NEK11: variants seen among roughly 807,000 people sequenced by gnomAD.
NEK11 encodes the protein serine/threonine-protein kinase Nek11.
A neutral mutation model predicts 80.7 loss-of-function variants in NEK11; 72 were observed. That is an observed-to-expected ratio of 0.89 (90% CI 0.74 to 1.08). The LOEUF is 1.08. NEK11 is among the 50% of genes least tolerant of loss of function. The pLI, the probability that NEK11 is intolerant of heterozygous loss-of-function variation, is 0.00. For missense variants in NEK11, 764 were observed against 763.6 expected (o/e 1.00, Z -0.01); for synonymous variants, 251 against 260.7 (o/e 0.96, Z 0.36).
At chr3:131,105,547 A>G (rs1448578878) in intron 4 of NEK11, among the ~76,000 whole-genome samples, 1 of 152,226 alleles carries the variant, frequency 6.6e-6, no homozygotes, top group South Asian at 2.1e-4. Flanking sequence ...GGGAAGCCCC[A>G]GGAAGCTTAT....
chr3:131,343,207 C>A (rs758617730), intron 17 of NEK11, among the ~76,000 whole-genome samples: 5 of 151,576 alleles, frequency 3.3e-5, no homozygotes, highest in Non-Finnish European at 7.4e-5. Flanking sequence ...ATGTGTGTAC[C>A]CTAACAGGAA....
chr3:131,247,876 C>T (rs1479522631), intron 16 of NEK11, among the ~76,000 whole-genome samples: 1 of 149,430 alleles, frequency 6.7e-6, no homozygotes, highest in Non-Finnish European at 1.5e-5. Context: ...ATGGAATTGC[C>T]TTCTTGATTT....
chr3:131,069,901 G>A (rs539541449), intron 3 of NEK11, among the ~76,000 whole-genome samples: 10 of 151,112 alleles, frequency 6.6e-5, no homozygotes, highest in East Asian at 2.0e-4. Flanking sequence ...TGGGTGCAGC[G>A]CACCAGCACG....
intron 14 of NEK11, among the ~76,000 whole-genome samples, chr3:131,181,708 T>C (rs1034217622): frequency 7.7e-6 from 1 of 130,028 alleles, no homozygotes; most frequent in African/African-American, 3.0e-5. Flanking sequence ...ATCGCACCAC[T>C]GCACTTCAGC....
intron 7 of NEK11, among the ~76,000 whole-genome samples, chr3:131,140,238 C>G (rs576033710): frequency 1.3e-5 from 2 of 152,224 alleles, no homozygotes; most frequent in Admixed American, 1.3e-4. Flanking sequence ...TCTTGAAATT[C>G]TTGTTCTTGG....
intron 7 of NEK11, among the ~76,000 whole-genome samples, chr3:131,149,483 T>C (rs1387028339): frequency 1.3e-5 from 2 of 152,094 alleles, no homozygotes; most frequent in Non-Finnish European, 1.5e-5. Context: ...TGGGTATATA[T>C]ACCCAGTAAT....
chr3:131,193,300 G>A (rs1015618679), intron 14 of NEK11, among the ~76,000 whole-genome samples: 8 of 152,024 alleles, frequency 5.3e-5, no homozygotes, highest in African/African-American at 1.9e-4. Flanking sequence ...TTGGAAAACT[G>A]TCTATTAATG....
intron 8 of NEK11, 41 bp from the exon 9 acceptor site, chr3:131,152,590 T>G (rs760052104): frequency 1.2e-6 from 2 of 1,607,596 alleles, no homozygotes; most frequent in Non-Finnish European, 1.7e-6. Flanking sequence ...TACTTATATT[T>G]TAGTTTACCT....
chr3:131,031,964 G>GTT (rs71620101), intron 3 of NEK11, among the ~76,000 whole-genome samples: 25 of 135,020 alleles, frequency 1.9e-4, no homozygotes, highest in African/African-American at 2.1e-4. Flanking sequence ...AAATTAATCA[G>GTT]TTTTTTTTTT....
At chr3:131,071,300 T>C (rs768786866) in intron 3 of NEK11, among the ~76,000 whole-genome samples, 2 of 152,198 alleles carry the variant, frequency 1.3e-5, no homozygotes, top group Non-Finnish European at 2.9e-5. Context: ...GAAAAAGGTA[T>C]ATTTATTACT....
chr3:131,289,371 G>A (rs2096518834), intron 17 of NEK11, among the ~76,000 whole-genome samples: 1 of 152,182 alleles, frequency 6.6e-6, no homozygotes, highest in African/African-American at 2.4e-5. Flanking sequence ...ATGGGAGTTA[G>A]GACTTCAACA....
chr3:131,115,944 TTCTTTC>T, intron 5 of NEK11, among the ~76,000 whole-genome samples: 1 of 121,644 alleles, frequency 8.2e-6, no homozygotes, highest in Non-Finnish European at 1.8e-5. Context: ...CTTTCTTTCT[TTCTTTC>T]TTTCTTTCTT....
chr3:131,125,193 T>C (rs951306727), intron 5 of NEK11, among the ~76,000 whole-genome samples: 2 of 152,212 alleles, frequency 1.3e-5, no homozygotes, highest in Admixed American at 1.3e-4. Context: ...ATAGGCCCGG[T>C]TGAGTTTCTG....
chr3:131,267,751 C>T (rs143977409), intron 16 of NEK11, among the ~76,000 whole-genome samples: 2,709 of 152,130 alleles, frequency 0.018, 80 homozygotes, highest in African/African-American at 0.061. Context: ...TTGCGTGTCT[C>T]GGGGTTGCTC....
At chr3:131,177,253 T>A (rs1331329521) in intron 14 of NEK11, among the ~76,000 whole-genome samples, 1 of 152,224 alleles carries the variant, frequency 6.6e-6, no homozygotes, top group African/African-American at 2.4e-5. Context: ...GACTTTCCCA[T>A]GTGATTGCAC....
chr3:131,125,731 C>A (rs913983580), intron 5 of NEK11, among the ~76,000 whole-genome samples: 5 of 152,078 alleles, frequency 3.3e-5, no homozygotes, highest in Non-Finnish European at 5.9e-5. Flanking sequence ...ATGAATGAGT[C>A]CCACTAGATA....
At chr3:131,036,452 T>C (rs891413695) in intron 3 of NEK11, among the ~76,000 whole-genome samples, 3 of 152,212 alleles carry the variant, frequency 2.0e-5, no homozygotes, top group Non-Finnish European at 2.9e-5. Flanking sequence ...TTCATATGTG[T>C]CACTAGACTT....
rs566593092 is a variant in NEK11 at position 131,106,641 on chromosome 3, A to G, written c.337-3162A>G. 7.2e-5 allele frequency among the ~76,000 whole-genome samples: 11 copies of G among 152,304 alleles called. 1 individual carries two copies. In the South Asian group the frequency reaches 1.9e-3, roughly 26 times the overall value. On this transcript the variant is annotated intron_variant, in intron 4 of 17. Transcript: ENST00000383366. Reference sequence around the variant, plus strand: ...TATTTACCGAAGATTATCCAAGATTATGTCAACTTGAAAAATATTTTAGGT... The same window carrying G: ...TATTTACCGAAGATTATCCAAGATTGTGTCAACTTGAAAAATATTTTAGGT...
At chr3:131,138,312 G>T (rs2086067258) in intron 7 of NEK11, among the ~76,000 whole-genome samples, 1 of 152,312 alleles carries the variant, frequency 6.6e-6, no homozygotes, top group South Asian at 2.1e-4. Flanking sequence ...GCCATGGGGT[G>T]AAGCTCCTCT....
Sources: gnomAD v4.1 joint callset for allele counts (sites outside exome capture counted in the v4.1 genomes callset) on GRCh38, gnomAD v4.1.1 for gene constraint, MANE v1.5 for transcripts, NCBI Gene and HGNC (gene_info 2026-07-23, HGNC 2026-07-21) for gene names.